The following SASH1 variants were observed in gnomAD, a reference collection of about 807,000 sequenced individuals.
The protein encoded by SASH1 is SAM and SH3 domain containing 1.
SASH1 carries 44 observed loss-of-function variants against 125.2 expected under a neutral mutation model. The ratio of observed to expected loss-of-function variants is 0.35; its 90% confidence interval spans 0.28 to 0.45. The LOEUF (loss-of-function observed/expected upper bound fraction) is 0.45, where lower values mean the gene tolerates loss of function less well. SASH1 is among the 20% of genes least tolerant of loss of function. SASH1 has a pLI of 1.00. For missense variants in SASH1, 1,426 were observed against 1,614.5 expected (o/e 0.88, Z 2.00); for synonymous variants, 639 against 649.1 (o/e 0.98, Z 0.24).
At chr6:148,484,188 A>T (rs564527810) in intron 7 of SASH1, among the ~76,000 whole-genome samples, 111 of 152,330 alleles carry the variant, frequency 7.3e-4, no homozygotes, top group African/African-American at 2.6e-3. Context: ...GAACATTATG[A>T]TATATCTCTC....
the SASH1 span, among the ~76,000 whole-genome samples, chr6:148,195,729 C>T: frequency 3.3e-5 from 5 of 152,166 alleles, no homozygotes; most frequent in Admixed American, 2.0e-4. Flanking sequence ...CTCTCTTACG[C>T]GCCTTTTAGT....
the SASH1 span, among the ~76,000 whole-genome samples, chr6:148,195,728 G>C: frequency 2.0e-5 from 3 of 152,104 alleles, no homozygotes; most frequent in South Asian, 6.2e-4. Context: ...CCTCTCTTAC[G>C]CGCCTTTTAG....
chr6:148,219,977 A>C, the SASH1 span, among the ~76,000 whole-genome samples: 6 of 152,224 alleles, frequency 3.9e-5, no homozygotes, highest in African/African-American at 1.4e-4. Context: ...CAAAGGTGAA[A>C]TAGGACATGC....
chr6:148,232,305 A>G, the SASH1 span, among the ~76,000 whole-genome samples: 1 of 152,160 alleles, frequency 6.6e-6, no homozygotes, highest in African/African-American at 2.4e-5. Flanking sequence ...GCAATAGGTA[A>G]AACAGGTTTT....
Position 148,411,969 on chromosome 6 carries a change from AT to A in SASH1, c.285+21712del, listed in dbSNP as rs1784648549. Among the ~76,000 whole-genome samples the A allele has an allele frequency of 3.3e-5, 5 of 152,344 alleles. No homozygotes were observed. In the South Asian group the frequency reaches 1.0e-3, roughly 32 times the overall value. Reference sequence around the variant, plus strand: ...TCTATGGAGGTTTCACTCTTGATAGATTTTTCATCAGTTTTTCAAATACTGA... The same window carrying A: ...TCTATGGAGGTTTCACTCTTGATAGATTTTCATCAGTTTTTCAAATACTGA... On this transcript the variant is annotated intron_variant, in intron 2 of 19. Coordinates refer to ENST00000367467, the MANE Select transcript of SASH1 (RefSeq NM_015278.5).
intron 1 of SASH1, among the ~76,000 whole-genome samples, chr6:148,364,862 C>T (rs1315328032): frequency 1.3e-5 from 2 of 152,174 alleles, no homozygotes; most frequent in Admixed American, 6.6e-5. Context: ...GTGCTTCATG[C>T]CTGTAATCTC....
chr6:148,326,779 C>T (rs975694022), intron 1 of SASH1, among the ~76,000 whole-genome samples: 1 of 152,042 alleles, frequency 6.6e-6, no homozygotes, highest in African/African-American at 2.4e-5. Flanking sequence ...CTCAGCTTTC[C>T]TTGCTTGAAG....
chr6:148,443,779 G>T (rs1237436683), intron 4 of SASH1, among the ~76,000 whole-genome samples: 1 of 152,116 alleles, frequency 6.6e-6, no homozygotes, highest in Non-Finnish European at 1.5e-5. Flanking sequence ...TAGGTTTGAT[G>T]CATTGTCGCT....
intron 1 of SASH1, among the ~76,000 whole-genome samples, chr6:148,299,624 G>A (rs1472206699): frequency 2.7e-5 from 4 of 146,352 alleles, no homozygotes; most frequent in East Asian, 4.0e-4. Context: ...CCGAGATCAC[G>A]CCACTCACTC....
the SASH1 span, among the ~76,000 whole-genome samples, chr6:148,206,930 T>C: frequency 1.3e-5 from 2 of 152,134 alleles, no homozygotes; most frequent in African/African-American, 4.8e-5. Flanking sequence ...CCTCTAGTGT[T>C]CCCTGTGGAG....
Position 148,304,432 on chromosome 6 carries a change from C to CAA in SASH1, n.74+32067_74+32068dup, listed in dbSNP as rs1407700167. On this transcript the variant is annotated intron_variant and non_coding_transcript_variant, in intron 1 of 3. Transcript: ENST00000367469. ...CCTGGGCGACAGAGTGACTCCGTCT[C>CAA]AAAAAAAAAAAAAGAAAAGAAAAAA... 7.1e-3 allele frequency among the ~76,000 whole-genome samples: 682 copies of CAA among 95,702 alleles called. 6 individuals are homozygous for CAA. Among genetic ancestry groups the CAA allele is most frequent in the African/African-American group, 0.026 (628 of 23,730 alleles). The allele number at this position is 95,702 out of a possible 152,430, so 62.8% of individuals were successfully genotyped here. A position where few individuals can be genotyped will look rare whatever the true frequency, so the allele number is the denominator to read the frequency against.
chr6:148,302,341 A>AAAAAAAAAAAAAAAAAAAAAAAAAAT (rs34513109), intron 1 of SASH1, among the ~76,000 whole-genome samples: 6 of 104,422 alleles, frequency 5.7e-5, no homozygotes, highest in Non-Finnish European at 9.4e-5. Flanking sequence ...AAAAAAAAAA[A>AAAAAAAAAAAAAAAAAAAAAAAAAAT]CTAGTAATAT....
At chr6:148,505,373 G>A (rs1681045895) in intron 8 of SASH1, among the ~76,000 whole-genome samples, 1 of 152,252 alleles carries the variant, frequency 6.6e-6, no homozygotes, top group Non-Finnish European at 1.5e-5. Flanking sequence ...GAGTGCAGTG[G>A]CACGATTTCG....
At chr6:148,387,944 T>TC (rs1454766656) in intron 1 of SASH1, among the ~76,000 whole-genome samples, 12 of 126,214 alleles carry the variant, frequency 9.5e-5, no homozygotes, top group African/African-American at 3.7e-4. Flanking sequence ...AGACAGGGTT[T>TC]CACTCTTGTT....
chr6:148,237,478 G>C, the SASH1 span: 1 of 152,126 alleles, frequency 6.6e-6, no homozygotes, highest in Non-Finnish European at 1.5e-5. Flanking sequence ...ACTATGCCCA[G>C]GGTTTATGAT....
chr6:148,237,912 G>A, the SASH1 span, among the ~76,000 whole-genome samples: 1 of 152,118 alleles, frequency 6.6e-6, no homozygotes, highest in Non-Finnish European at 1.5e-5. Context: ...GGTCTGCCAT[G>A]TTTTCCAATG....
At chr6:148,474,639 A>C (rs1778260743) in intron 7 of SASH1, among the ~76,000 whole-genome samples, 1 of 152,150 alleles carries the variant, frequency 6.6e-6, no homozygotes, top group Non-Finnish European at 1.5e-5. Context: ...TGGTGCAATC[A>C]CAACTCACAG....
rs1782681268 is a variant in SASH1, at chr6:148,548,332, CCGT to C, written c.3520_3522del (p.Val1174del). 6.2e-7 allele frequency: 1 copy of C among 1,613,574 alleles called. No individual in the cohort carries two copies. The highest frequency in any genetic ancestry group is 1.3e-5 in the African/African-American group (1 of 74,908). On this transcript the variant is annotated inframe_deletion, in exon 20 of 20. Transcript: ENST00000367467. ...GGACTCACGGAAATCTGCCGAAAGC[CCGT>C]CTCTCCTGGGTGCATTTCGTCTGTG...
chr6:148,418,602 CT>C (rs1164291609), intron 2 of SASH1, among the ~76,000 whole-genome samples: 1 of 152,190 alleles, frequency 6.6e-6, no homozygotes, highest in Non-Finnish European at 1.5e-5. Context: ...CTTCTCTACT[CT>C]TTCCTTTTTG....
Sources: allele counts gnomAD v4.1 joint callset (sites outside exome capture counted in the v4.1 genomes callset), GRCh38; gene constraint gnomAD v4.1.1; transcripts MANE v1.5; gene names NCBI Gene and HGNC (gene_info 2026-07-23, HGNC 2026-07-21).